DROSHA: variants seen among roughly 807,000 people sequenced by gnomAD.
DROSHA encodes drosha ribonuclease III, also known as ribonuclease 3.
In DROSHA, 56 loss-of-function variants were observed where a neutral mutation model predicts 181.9. The ratio of observed to expected loss-of-function variants is 0.31; its 90% CI spans 0.25 to 0.38. DROSHA has a LOEUF of 0.38. Among genes scored for constraint, DROSHA ranks in the 10% least tolerant of loss-of-function variants. The probability of loss-of-function intolerance (pLI) is 1.00; values close to 1 mark genes in which losing one functional copy is unlikely to be tolerated. For synonymous variants in DROSHA, 524 were observed against 591.2 expected, an observed-to-expected ratio of 0.89 and a Z score of 1.65; for missense variants, 1,218 against 1,743.5, an observed-to-expected ratio of 0.70 and a Z score of 5.37.
chr5:31,425,408 C>G (rs1743341493), intron 27 of DROSHA, among the ~76,000 whole-genome samples: 1 of 152,012 alleles, frequency 6.6e-6, no homozygotes, highest in Non-Finnish European at 1.5e-5. Flanking sequence ...TTCTCTTAAC[C>G]AATTCAGAAA....
Position 31,470,210 on chromosome 5 carries a change from C to T in DROSHA, c.2241+1853G>A, listed in dbSNP as rs778493289. On this transcript the variant is annotated intron_variant, in intron 17 of 35. Coordinates refer to ENST00000344624, the MANE Select transcript of DROSHA (RefSeq NM_001382508.1). This position sits in a 1 kb window ranked among gnomAD's most constrained non-coding sequence, Gnocchi z 4.0. Reference sequence around the variant, plus strand: ...CATGTTGTTAATACTGGCTTTACAGCATCTCAAGGATGCACAGTTAATCAT... The same window carrying T: ...CATGTTGTTAATACTGGCTTTACAGTATCTCAAGGATGCACAGTTAATCAT... Among the ~76,000 whole-genome samples the T allele has an allele frequency of 3.4e-4, 52 of 152,218 alleles. No homozygotes were observed. The highest frequency in any genetic ancestry group is 1.9e-3 in the Admixed American group (29 of 15,280).
chr5:31,431,589 A>G lies in DROSHA; in HGVS notation c.3132T>C (p.Phe1044=), dbSNP rs776346705. ...GAGAGAAATTACCTATTAACGCTTC[A>G]AAACAATTGGCCATTGCATGTCGAA... ...SDLRHAMANC[F]EALIGAVYLE... Residue 1044 remains phenylalanine (F), a synonymous_variant, in exon 26 of 36, where the codon TTT becomes TTC. Coordinates refer to ENST00000344624, the MANE Select transcript of DROSHA (RefSeq NM_001382508.1). 4 of 1,613,976 alleles carry G rather than the reference A, an allele frequency of 2.5e-6. No individual in the cohort carries two copies. The highest frequency in any genetic ancestry group is 3.4e-6 in the Non-Finnish European group (4 of 1,179,852).
intron 15 of DROSHA, 130 bp downstream of exon 15, chr5:31,484,751 C>T (rs979997196): frequency 1.5e-6 from 1 of 664,706 alleles, no homozygotes; most frequent in African/African-American, 1.9e-5. Flanking sequence ...CTGTGAATAA[C>T]ACTTTTCTCT....
At chr5:31,501,431 T>C (rs1208575966) in intron 11 of DROSHA, among the ~76,000 whole-genome samples, 3 of 151,956 alleles carry the variant, frequency 2.0e-5, no homozygotes, top group Non-Finnish European at 4.4e-5. Flanking sequence ...ATAAGAGCTA[T>C]CCTAATGGGA....
chr5:31,472,016 G>C (rs750403985), intron 17 of DROSHA, 47 bp downstream of exon 17: 4 of 1,500,038 alleles, frequency 2.7e-6, no homozygotes, highest in Admixed American at 2.0e-5. Context: ...TTCAGATCTG[G>C]AAAAGAAGGT....
intron 3 of DROSHA, among the ~76,000 whole-genome samples, chr5:31,529,734 CA>C (rs70955715): frequency 0.24 from 21,834 of 91,248 alleles, 1,667 homozygotes; most frequent in Middle Eastern, 0.3. Flanking sequence ...AAAAAACAAA[CA>C]AAAAAAAAAA....
Position 31,409,387 on chromosome 5 carries a change from A to C in DROSHA, c.3668-55T>G. ...CCACAATCACTGCCATCTATCAGAAAGAGTAAGAGACCTAGACCTTTAAGC... is the reference window on the plus strand; with the variant it reads ...CCACAATCACTGCCATCTATCAGAACGAGTAAGAGACCTAGACCTTTAAGC... On this transcript the variant is annotated intron_variant, in intron 31 of 35. Coordinates refer to ENST00000344624, the MANE Select transcript of DROSHA (RefSeq NM_001382508.1). This position sits in a 1 kb window ranked among gnomAD's most constrained non-coding sequence, Gnocchi z 4.0. 6.5e-7 allele frequency: 1 copy of C among 1,527,758 alleles called. No individual in the cohort carries two copies. Among genetic ancestry groups the C allele is most frequent in the Non-Finnish European group, 8.9e-7 (1 of 1,129,838 alleles). The allele number at this position is 1,527,758 out of a possible 1,614,324, so 94.6% of individuals were successfully genotyped here. A position where few individuals can be genotyped will look rare whatever the true frequency, so the allele number is the denominator to read the frequency against.
intron 2 of DROSHA, 46 bp downstream of exon 2, chr5:31,531,404 G>A (rs1741362611): frequency 6.6e-6 from 1 of 152,194 alleles, no homozygotes; most frequent in African/African-American, 2.4e-5. Flanking sequence ...GTCCGGCTGT[G>A]TTGTGGATGC....
At chr5:31,405,088 C>T (rs1393383151) in intron 35 of DROSHA, among the ~76,000 whole-genome samples, 4 of 152,114 alleles carry the variant, frequency 2.6e-5, no homozygotes, top group Non-Finnish European at 5.9e-5. Flanking sequence ...AAACACAGGC[C>T]GGGTGCAGTG....
rs1012817961 is a variant in DROSHA, at chr5:31,402,802, ATTAT to A, written c.3995-1244_3995-1241del. 4.6e-5 allele frequency among the ~76,000 whole-genome samples: 7 copies of A among 152,150 alleles called. No individual in the cohort carries two copies. In the South Asian group the frequency reaches 8.3e-4, roughly 18 times the overall value. ...GGTCAGAGATTGATTTTATTTATTT[ATTAT>A]TTATTTATTTATTTAGAGATGGAAT... On this transcript the variant is annotated intron_variant, in intron 35 of 35. Coordinates refer to ENST00000344624, the MANE Select transcript of DROSHA (RefSeq NM_001382508.1).
chr5:31,528,911 T>C (rs145816433), intron 4 of DROSHA, 129 bp downstream of exon 4: 41 of 1,278,946 alleles, frequency 3.2e-5, no homozygotes, highest in Non-Finnish European at 4.2e-5. Context: ...GTGCCCACTG[T>C]TGAAAGAATG....
At chr5:31,494,269 T>C (rs1485684671) in intron 12 of DROSHA, among the ~76,000 whole-genome samples, 1 of 151,932 alleles carries the variant, frequency 6.6e-6, no homozygotes, top group Non-Finnish European at 1.5e-5. Flanking sequence ...GGCCCAGCCA[T>C]TTTTAACCTT....
chr5:31,527,023 T>TA, intron 4 of DROSHA, 111 bp from the exon 5 acceptor site: 1 of 983,528 alleles, frequency 1.0e-6, no homozygotes, highest in Non-Finnish European at 1.5e-6. Context: ...AAAGACCCCC[T>TA]AGTCAAGCCA....
At chr5:31,479,466 G>A (rs1389742129) in intron 16 of DROSHA, among the ~76,000 whole-genome samples, 2 of 152,172 alleles carry the variant, frequency 1.3e-5, no homozygotes, top group African/African-American at 4.8e-5. Context: ...CATACGAATT[G>A]TGAAAACAAA....
intron 24 of DROSHA, among the ~76,000 whole-genome samples, chr5:31,437,015 G>A (rs1367656189): frequency 6.6e-6 from 1 of 152,190 alleles, no homozygotes; most frequent in Non-Finnish European, 1.5e-5. Context: ...ACAGGACAGA[G>A]ACACCAGCCT....
chr5:31,417,932 A>G (rs1435769740), intron 30 of DROSHA, among the ~76,000 whole-genome samples: 2 of 152,126 alleles, frequency 1.3e-5, no homozygotes, highest in Admixed American at 6.5e-5. Flanking sequence ...ATGACTTCAC[A>G]AAGGCCTGAG....
In DROSHA at chr5:31,464,324, C is replaced by T; in HGVS notation, c.2486G>A (p.Arg829Gln). ...TTCTCGTCTCATTGTATTCTTCTGC[C>T]GTATTTTTTGGAGGGCTTCCTAGAA... ...AQREEALQKI[R>Q]QKNTMRREVT... The change falls in exon 20 of 36, where the codon CGG becomes CAG. Residue 829 changes from arginine to glutamine, a missense_variant. Arg to Gln is a conservative substitution (Grantham distance 43). Transcript: ENST00000344624. 6.2e-7 allele frequency: 1 copy of T among 1,612,838 alleles called. No individual in the cohort carries two copies. The highest frequency in any genetic ancestry group is 2.2e-5 in the East Asian group (1 of 44,832).
Position 31,470,981 on chromosome 5 carries a change from A to G in DROSHA, c.2241+1082T>C, listed in dbSNP as rs1192625767. Reference sequence around the variant, plus strand: ...ACTCTGAGAGTGTTATTACTTACATATTTCTTTTAAAGTTACTTTAATAAT... The same window carrying G: ...ACTCTGAGAGTGTTATTACTTACATGTTTCTTTTAAAGTTACTTTAATAAT... On this transcript the variant is annotated intron_variant, in intron 17 of 35. Coordinates refer to ENST00000344624, the MANE Select transcript of DROSHA (RefSeq NM_001382508.1). The surrounding 1 kb of genome is among the most constrained non-coding windows in gnomAD (Gnocchi z 4.0). Among the ~76,000 whole-genome samples the G allele has an allele frequency of 6.6e-6, 1 of 152,212 alleles. No homozygotes were observed. The highest frequency in any genetic ancestry group is 1.5e-5 in the Non-Finnish European group (1 of 68,028).
At chr5:31,510,441 T>C (rs1189194647) in intron 9 of DROSHA, among the ~76,000 whole-genome samples, 1 of 152,204 alleles carries the variant, frequency 6.6e-6, no homozygotes, top group African/African-American at 2.4e-5. Context: ...AGAGAACATG[T>C]AGCTAAATGC....
Sources: gnomAD v4.1 joint callset for allele counts (sites outside exome capture counted in the v4.1 genomes callset) on GRCh38, gnomAD v4.1.1 for gene constraint, Gnocchi (gnomAD v3.1) non-coding constraint, MANE v1.5 for transcripts, NCBI Gene and HGNC (gene_info 2026-07-23, HGNC 2026-07-21) for gene names.